DNM2: variants seen among roughly 807,000 people sequenced by gnomAD.
DNM2 encodes the protein dynamin-2.
Under a neutral mutation model 99.0 loss-of-function variants are expected in DNM2, and 15 were observed. The ratio of observed to expected loss-of-function variants is 0.15; its 90% confidence interval spans 0.10 to 0.23. The LOEUF is 0.23. Among genes scored for constraint, DNM2 ranks in the 10% least tolerant of loss-of-function variants. The probability of loss-of-function intolerance (pLI) is 1.00; values close to 1 mark genes in which losing one functional copy is unlikely to be tolerated. For missense variants in DNM2, 742 were observed against 1,189.4 expected (o/e 0.62, Z 5.53); for synonymous variants, 525 against 481.2 (o/e 1.09, Z -1.19).
chr19:10,728,468 T>C (rs2069184238), intron 1 of DNM2, among the ~76,000 whole-genome samples: 1 of 152,084 alleles, frequency 6.6e-6, no homozygotes. Flanking sequence ...GTGGGCACCA[T>C]GGCGTTTGTA....
At chr19:10,799,961 C>T (rs1276740012) in intron 11 of DNM2, among the ~76,000 whole-genome samples, 1 of 152,144 alleles carries the variant, frequency 6.6e-6, no homozygotes. Flanking sequence ...TACTCTCCTG[C>T]AGCCGCAGCC....
intron 1 of DNM2, among the ~76,000 whole-genome samples, chr19:10,759,055 T>C (rs1277686191): frequency 1.3e-5 from 2 of 151,456 alleles, no homozygotes; most frequent in Admixed American, 6.6e-5. Flanking sequence ...CATCCTCCTC[T>C]CTCAGCCTCT....
Position 10,765,959 on chromosome 19 carries a change from C to G in DNM2, c.235+6148C>G, listed in dbSNP as rs563487800. Reference sequence around the variant, plus strand: ...GCCCCTGAGGGTTCCCTGAGACTAACAGCTGAGCCGTGTTTGTGCTCCTGA... The same window carrying G: ...GCCCCTGAGGGTTCCCTGAGACTAAGAGCTGAGCCGTGTTTGTGCTCCTGA... On this transcript the variant is annotated intron_variant, in intron 2 of 20. Transcript: ENST00000389253. The surrounding 1 kb of genome is among the most constrained non-coding windows in gnomAD (Gnocchi z 4.4). 9.2e-5 allele frequency among the ~76,000 whole-genome samples: 14 copies of G among 152,346 alleles called. No homozygotes were observed. The East Asian group carries it at 2.5e-3, about 27-fold the overall frequency.
chr19:10,766,088 G>A (rs765475841), intron 2 of DNM2, among the ~76,000 whole-genome samples: 1 of 152,132 alleles, frequency 6.6e-6, no homozygotes, highest in Non-Finnish European at 1.5e-5. Context: ...CCGGAGCTGG[G>A]TGTCGCTAGG....
At chr19:10,815,878 G>A (rs1452095134) in intron 15 of DNM2, among the ~76,000 whole-genome samples, 3 of 152,180 alleles carry the variant, frequency 2.0e-5, no homozygotes. Context: ...CCCAGACTTA[G>A]AGAGAAGGCA....
At chr19:10,790,828 G>C (rs1332082388) in intron 7 of DNM2, among the ~76,000 whole-genome samples, 1 of 152,054 alleles carries the variant, frequency 6.6e-6, no homozygotes, top group Non-Finnish European at 1.5e-5. Flanking sequence ...GTGCAGTGGT[G>C]CAATCCCGGC....
chr19:10,819,381 G>A (rs563298008), intron 15 of DNM2, among the ~76,000 whole-genome samples: 1 of 152,304 alleles, frequency 6.6e-6, no homozygotes, highest in African/African-American at 2.4e-5. Context: ...CTCTGCCTCA[G>A]TCTTCCCCTC....
chr19:10,827,027 A>G (rs966552151), intron 18 of DNM2, among the ~76,000 whole-genome samples: 1 of 151,820 alleles, frequency 6.6e-6, no homozygotes, highest in African/African-American at 2.4e-5. Flanking sequence ...TGGCAGGAGG[A>G]TCACTCGATC....
chr19:10,750,790 G>A (rs1298477185), intron 1 of DNM2, among the ~76,000 whole-genome samples: 1 of 152,090 alleles, frequency 6.6e-6, no homozygotes, highest in Non-Finnish European at 1.5e-5. Context: ...GAAATTAGCC[G>A]GGTGTGGTGC....
intron 17 of DNM2, 71 bp from the exon 18 acceptor site, chr19:10,824,977 AATAGGGCAG>A: frequency 6.2e-7 from 1 of 1,607,094 alleles, no homozygotes; most frequent in Non-Finnish European, 8.5e-7. Flanking sequence ...TTGGTGGGAC[AATAGGGCAG>A]ATGGTTTCCA....
In DNM2 at chr19:10,831,358, G is replaced by A. The variant is rs2073344248; in HGVS notation, c.*311G>A. ...CTGAATGAGGGGTCCAGCCTGGGGG[G>A]GACTCTACCAAGGTCTTCTTGGGCT... On this transcript the variant is annotated 3_prime_UTR_variant, in exon 21 of 21. Transcript: ENST00000389253. This position sits in a 1 kb window ranked among gnomAD's most constrained non-coding sequence, Gnocchi z 4.3. The A allele has an allele frequency of 8.7e-7, 1 of 1,146,774 alleles. No homozygotes were observed. The highest frequency in any genetic ancestry group is 1.1e-6 in the Non-Finnish European group (1 of 932,312). 71.0% of individuals were successfully genotyped at this position (1,146,774 alleles called of 1,614,324 possible).
In DNM2 at chr19:10,752,902, C is replaced by T. The variant is rs186725806; in HGVS notation, c.162-6836C>T. Among the ~76,000 whole-genome samples the T allele has an allele frequency of 1.6e-3, 242 of 152,214 alleles. 1 individual carries two copies. The highest frequency in any genetic ancestry group is 2.2e-3 in the Non-Finnish European group (151 of 68,016). ...ACGCCTGTAATCCCAGCACTTTGGA[C>T]TCCATTGCACTCCAGCCTGGGTGAC... On this transcript the variant is annotated intron_variant, in intron 1 of 20. Transcript: ENST00000389253.
At chr19:10,720,016 C>G (rs2068883308) in intron 1 of DNM2, among the ~76,000 whole-genome samples, 1 of 150,198 alleles carries the variant, frequency 6.7e-6, no homozygotes, top group Non-Finnish European at 1.5e-5. Context: ...TGGGCCTGGC[C>G]TGATCTCAGG....
intron 13 of DNM2, 50 bp downstream of exon 13, chr19:10,806,017 G>A (rs183427821): frequency 2.6e-5 from 42 of 1,611,842 alleles, no homozygotes; most frequent in East Asian, 1.1e-4. Context: ...GCGGGAGGAC[G>A]CTAAGTGACA....
At chr19:10,780,645 A>G (rs561326714) in intron 5 of DNM2, among the ~76,000 whole-genome samples, 2 of 152,224 alleles carry the variant, frequency 1.3e-5, no homozygotes, top group Non-Finnish European at 2.9e-5. Context: ...ACGGGAACCC[A>G]GGCTAGGCGT....
intron 5 of DNM2, among the ~76,000 whole-genome samples, chr19:10,779,494 C>T (rs146956658): frequency 2.3e-4 from 17 of 75,552 alleles, no homozygotes; most frequent in African/African-American, 8.9e-4. Flanking sequence ...TTCTTTCTTT[C>T]TTTCTTTCTT....
rs976930802 is a variant in DNM2, at chr19:10,796,550, C to A, written c.1197-830C>A. Among the ~76,000 whole-genome samples, 1 of 152,184 alleles carries A rather than the reference C, an allele frequency of 6.6e-6. No homozygotes were observed. ...GACCCCCCGCGTCAACTGCTGGAGG[C>A]TGAGCTCCTTGAAGCTCCCTGGCTG... is the stretch of plus-strand genomic sequence containing the variant. On this transcript the variant is annotated intron_variant, in intron 9 of 20. Coordinates refer to ENST00000389253, the MANE Select transcript of DNM2 (RefSeq NM_001005361.3). This position sits in a 1 kb window ranked among gnomAD's most constrained non-coding sequence, Gnocchi z 5.6.
rs749100867 is a variant in DNM2, at chr19:10,812,412, G to A, written c.1671+35G>A. Reference sequence around the variant, plus strand: ...AGGCGGGAGCAGGGCTGCTGGGGTAGGTGGGGCAGCCAGGGAAGAGCGGGT... The same window carrying A: ...AGGCGGGAGCAGGGCTGCTGGGGTAAGTGGGGCAGCCAGGGAAGAGCGGGT... On this transcript the variant is annotated intron_variant, in intron 15 of 20. Coordinates refer to ENST00000389253, the MANE Select transcript of DNM2 (RefSeq NM_001005361.3). The surrounding 1 kb of genome is among the most constrained non-coding windows in gnomAD (Gnocchi z 4.0). The A allele has an allele frequency of 1.1e-4, 178 of 1,554,064 alleles. No individual in the cohort carries two copies. The highest frequency in any genetic ancestry group is 1.5e-4 in the Non-Finnish European group (168 of 1,141,762).
At chr19:10,802,976 C>T (rs1351742957) in intron 12 of DNM2, among the ~76,000 whole-genome samples, 1 of 152,206 alleles carries the variant, frequency 6.6e-6, no homozygotes, top group Non-Finnish European at 1.5e-5. Context: ...GAGGCTCACG[C>T]AGGCCTTCCT....
Sources: allele counts gnomAD v4.1 joint callset (sites outside exome capture counted in the v4.1 genomes callset), GRCh38; gene constraint gnomAD v4.1.1; non-coding constraint Gnocchi (gnomAD v3.1); transcripts MANE v1.5; gene names NCBI Gene and HGNC (gene_info 2026-07-23, HGNC 2026-07-21).